The following MAP2 variants were observed in gnomAD, a reference collection of about 807,000 sequenced individuals.
MAP2 encodes microtubule-associated protein 2.
MAP2 carries 14 observed loss-of-function variants against 137.6 expected under a neutral mutation model. The observed-to-expected ratio is 0.10, with a 90% CI of 0.07 to 0.16. The LOEUF is 0.16. Among genes scored for constraint, MAP2 ranks in the 10% least tolerant of loss-of-function variants. The pLI, the probability that MAP2 is intolerant of heterozygous loss-of-function variation, is 1.00. For synonymous variants in MAP2, 786 were observed against 782.3 expected (o/e 1.00, Z -0.08); for missense variants, 2,088 against 2,191.5 (o/e 0.95, Z 0.94).
chr2:209,658,510 AC>A (rs1239449955), intron 5 of MAP2, among the ~76,000 whole-genome samples: 17 of 149,200 alleles, frequency 1.1e-4, no homozygotes, highest in African/African-American at 3.9e-4. Flanking sequence ...TATTATTATT[AC>A]TATTTTTTTT....
chr2:209,535,516 G>T (rs375565406), intron 2 of MAP2, among the ~76,000 whole-genome samples: 7 of 150,656 alleles, frequency 4.6e-5, no homozygotes, highest in African/African-American at 1.7e-4. Flanking sequence ...AGCCATGAAT[G>T]CATGGTTCAG....
intron 2 of MAP2, among the ~76,000 whole-genome samples, chr2:209,512,122 A>C (rs1474902957): frequency 6.6e-6 from 1 of 152,078 alleles, no homozygotes; most frequent in Non-Finnish European, 1.5e-5. Flanking sequence ...AACAAAAATA[A>C]CTTATACTTC....
intron 1 of MAP2, among the ~76,000 whole-genome samples, chr2:209,441,914 A>T (rs1343657397): frequency 6.6e-6 from 1 of 151,560 alleles, no homozygotes; most frequent in Non-Finnish European, 1.5e-5. Context: ...ATTTCAATTC[A>T]TGTGGTTTTT....
chr2:209,463,988 T>C (rs1439470881), intron 1 of MAP2, among the ~76,000 whole-genome samples: 1 of 152,024 alleles, frequency 6.6e-6, no homozygotes, highest in African/African-American at 2.4e-5. Flanking sequence ...CTCTGAGACA[T>C]CTAATTATAA....
intron 2 of MAP2, among the ~76,000 whole-genome samples, chr2:209,548,166 A>G (rs2068457641): frequency 6.6e-6 from 1 of 152,334 alleles, no homozygotes; most frequent in East Asian, 1.9e-4. Flanking sequence ...GGATCCAAGC[A>G]TCAGTAGGAA....
chr2:209,707,162 ACT>A (rs2063697365), intron 12 of MAP2, among the ~76,000 whole-genome samples: 3 of 152,124 alleles, frequency 2.0e-5, no homozygotes, highest in African/African-American at 7.2e-5. Context: ...GCAAAATGGC[ACT>A]TTCTCCATAA....
chr2:209,620,011 T>C (rs992553077), intron 3 of MAP2, among the ~76,000 whole-genome samples: 1 of 152,120 alleles, frequency 6.6e-6, no homozygotes, highest in Non-Finnish European at 1.5e-5. Flanking sequence ...CTGAAGGCTG[T>C]GAGTTGAGCC....
At chr2:209,678,955 A>G (rs1387035511) in intron 6 of MAP2, among the ~76,000 whole-genome samples, 1 of 152,084 alleles carries the variant, frequency 6.6e-6, no homozygotes, top group African/African-American at 2.4e-5. Context: ...CCAGACCACT[A>G]GAAATAGTTA....
At chr2:209,569,462 T>C (rs2074039678) in intron 2 of MAP2, among the ~76,000 whole-genome samples, 1 of 151,680 alleles carries the variant, frequency 6.6e-6, no homozygotes, top group African/African-American at 2.4e-5. Flanking sequence ...TACAAGTGAA[T>C]GGGGAAAGAC....
At chr2:209,670,361 C>G (rs1272274150) in intron 5 of MAP2, among the ~76,000 whole-genome samples, 2 of 151,968 alleles carry the variant, frequency 1.3e-5, no homozygotes, top group Non-Finnish European at 2.9e-5. Context: ...ACGATACTGG[C>G]TTACCATATT....
rs529199761 is a variant in MAP2 at position 209,500,844 on chromosome 2, G to A, written c.-221-6748G>A. Among the ~76,000 whole-genome samples the A allele has an allele frequency of 2.6e-4, 39 of 152,100 alleles. 1 individual carries two copies. The South Asian group carries it at 8.1e-3, about 32-fold the overall frequency. On this transcript the variant is annotated intron_variant, in intron 1 of 15. Transcript: ENST00000682079. Reference sequence around the variant, plus strand: ...GAGCCCGGGAGTTTGAGACCAGCCTGTACAACATAGGGAAACTCTGTCTCT... The same window carrying A: ...GAGCCCGGGAGTTTGAGACCAGCCTATACAACATAGGGAAACTCTGTCTCT...
At chr2:209,668,934 CTG>C in intron 5 of MAP2, among the ~76,000 whole-genome samples, 1 of 151,960 alleles carries the variant, frequency 6.6e-6, no homozygotes, top group Admixed American at 6.6e-5. Context: ...CATAAGATTA[CTG>C]AAACATGATT....
At chr2:209,704,176 C>T (rs2062646776) in intron 11 of MAP2, 3 of 395,410 alleles carry the variant, frequency 7.6e-6, no homozygotes, top group Non-Finnish European at 1.4e-5. Context: ...CGTGTGTACC[C>T]ATTGTTTAGC....
intron 3 of MAP2, among the ~76,000 whole-genome samples, chr2:209,616,019 C>T (rs2089208412): frequency 6.6e-6 from 1 of 152,206 alleles, no homozygotes; most frequent in Non-Finnish European, 1.5e-5. Flanking sequence ...TCTCCCCTAT[C>T]CCACATCCCC....
intron 1 of MAP2, among the ~76,000 whole-genome samples, chr2:209,439,604 T>A (rs1379635086): frequency 6.6e-6 from 1 of 151,452 alleles, no homozygotes; most frequent in Admixed American, 6.6e-5. Context: ...TTATTGTTTC[T>A]CAGGAAGTGA....
At chr2:209,555,964 A>G (rs945339259) in intron 2 of MAP2, among the ~76,000 whole-genome samples, 1 of 151,836 alleles carries the variant, frequency 6.6e-6, no homozygotes, top group African/African-American at 2.4e-5. Flanking sequence ...AGTTCTGGAA[A>G]AGCTGGATTT....
At chr2:209,501,863 C>T (rs998994540) in intron 1 of MAP2, among the ~76,000 whole-genome samples, 1 of 152,096 alleles carries the variant, frequency 6.6e-6, no homozygotes, top group Non-Finnish European at 1.5e-5. Flanking sequence ...AAGTGCTCTC[C>T]TTAAGATAAG....
At chr2:209,706,531 T>G (rs764817080) in intron 12 of MAP2, among the ~76,000 whole-genome samples, 1 of 150,928 alleles carries the variant, frequency 6.6e-6, no homozygotes, top group Non-Finnish European at 1.5e-5. Flanking sequence ...GAGGGTAACT[T>G]GTCCAGTTAC....
chr2:209,468,444 C>A (rs1012861320), intron 1 of MAP2, among the ~76,000 whole-genome samples: 1 of 151,192 alleles, frequency 6.6e-6, no homozygotes, highest in East Asian at 2.0e-4. Context: ...CTCAGCCTCC[C>A]GGAGTAGCTG....
Sources: gnomAD v4.1 joint callset for allele counts (sites outside exome capture counted in the v4.1 genomes callset) on GRCh38, gnomAD v4.1.1 for gene constraint, MANE v1.5 for transcripts, NCBI Gene and HGNC (gene_info 2026-07-23, HGNC 2026-07-21) for gene names.